The following DOCK9 variants were observed in gnomAD, a reference collection of about 807,000 sequenced individuals.
The protein encoded by DOCK9 is dedicator of cytokinesis protein 9.
A neutral mutation model predicts 263.3 loss-of-function variants in DOCK9; 89 were observed. The observed-to-expected ratio is 0.34, with a 90% CI of 0.28 to 0.40. The LOEUF (loss-of-function observed/expected upper bound fraction) is 0.40. DOCK9 is among the 10% of genes least tolerant of loss of function. The pLI, the probability that DOCK9 is intolerant of heterozygous loss-of-function variation, is 1.00. For synonymous variants in DOCK9, 976 were observed against 973.1 expected (o/e 1.00, Z -0.06); for missense variants, 2,140 against 2,603.4 (o/e 0.82, Z 3.87).
At chr13:98,815,236 T>C (rs2091739575) in intron 45 of DOCK9, among the ~76,000 whole-genome samples, 1 of 152,146 alleles carries the variant, frequency 6.6e-6, no homozygotes, top group Non-Finnish European at 1.5e-5. Context: ...GTATTTATTA[T>C]CTTGACTCTC....
chr13:98,874,604 C>T (rs2142338816), intron 27 of DOCK9, among the ~76,000 whole-genome samples: 2 of 152,302 alleles, frequency 1.3e-5, no homozygotes, highest in Middle Eastern at 6.8e-3. Flanking sequence ...CCCACCTTAT[C>T]CTCCCAATGC....
At position 98,881,627 on chromosome 13, in the gene DOCK9, C is replaced by T; in HGVS notation, c.2676G>A (p.Arg892=). ...TQEEVAVNVT[R]VIIHVVAQCH... The stretch of plus-strand genomic sequence containing the variant: ...ACTGGGCAACCACATGAATAATGAC[C>T]CTACACACCACAGGAGTGAATAAAG... Residue 892 remains arginine (R), a splice_region_variant and synonymous_variant, in exon 25 of 53, where the codon CGG becomes CGA. Coordinates refer to ENST00000682017, the MANE Select transcript of DOCK9 (RefSeq NM_001366683.2). 1 of 1,607,250 alleles carries T rather than the reference C, an allele frequency of 6.2e-7. No individual in the cohort carries two copies.
In DOCK9 at chr13:98,819,396, C is replaced by T. The variant is rs145067873; in HGVS notation, c.5130+5002G>A. On this transcript the variant is annotated intron_variant, in intron 45 of 52. Transcript: ENST00000682017. ...ATTTCCAAGTCATGAAGAACTCAGACAACTTCCAGTTCAGACTGGAGGGAC... is the reference window on the plus strand; with the variant it reads ...ATTTCCAAGTCATGAAGAACTCAGATAACTTCCAGTTCAGACTGGAGGGAC... 2.1e-3 allele frequency among the ~76,000 whole-genome samples: 317 copies of T among 152,334 alleles called. 1 individual carries two copies. Among genetic ancestry groups the T allele is most frequent in the Non-Finnish European group, 2.2e-3 (150 of 68,038 alleles).
chr13:99,063,042 T>C (rs1417883992), intron 1 of DOCK9, among the ~76,000 whole-genome samples: 1 of 152,184 alleles, frequency 6.6e-6, no homozygotes, highest in Non-Finnish European at 1.5e-5. Flanking sequence ...AAAAGACCCA[T>C]GTGAAGGTTC....
In DOCK9 at chr13:98,829,282, T is replaced by C. The variant is rs1377869765; in HGVS notation, c.4965+25A>G. ...CCTCACTGGTTTTTTCAAAAACCCA[T>C]TCAAGCGGCTGGCAGGGCTACTACC... On this transcript the variant is annotated intron_variant, in intron 43 of 52. Coordinates refer to ENST00000682017, the MANE Select transcript of DOCK9 (RefSeq NM_001366683.2). The surrounding 1 kb of genome is among the most constrained non-coding windows in gnomAD (Gnocchi z 4.1). The C allele has an allele frequency of 1.3e-6, 2 of 1,591,798 alleles. No homozygotes were observed. The highest frequency in any genetic ancestry group is 2.3e-5 in the East Asian group (1 of 44,178).
intron 2 of DOCK9, among the ~76,000 whole-genome samples, chr13:98,951,650 A>C (rs530327452): frequency 6.6e-6 from 1 of 152,210 alleles, no homozygotes; most frequent in Admixed American, 6.5e-5. Flanking sequence ...TGGGGGGAAA[A>C]GTTTCTGTGG....
chr13:98,885,355 G>A, intron 20 of DOCK9: 1 of 536,352 alleles, frequency 1.9e-6, no homozygotes, highest in Non-Finnish European at 3.3e-6. Flanking sequence ...TGTAATCCCA[G>A]CATTTTGGGA....
Position 98,966,295 on chromosome 13 carries a change from C to T in DOCK9, c.127-10744G>A, listed in dbSNP as rs529918112. On this transcript the variant is annotated intron_variant, in intron 1 of 52. Coordinates refer to ENST00000682017, the MANE Select transcript of DOCK9 (RefSeq NM_001366683.2). ...CCTGATACCGGCCATGGGCCAACAC[C>T]AGGCCAGGAAGGGTAAAAGGGGAAC... Among the ~76,000 whole-genome samples the T allele has an allele frequency of 2.6e-5, 4 of 152,316 alleles. No individual in the cohort carries two copies. In the South Asian group the frequency reaches 8.3e-4, roughly 32 times the overall value.
intron 1 of DOCK9, among the ~76,000 whole-genome samples, chr13:98,993,372 C>T (rs777285555): frequency 6.6e-6 from 1 of 152,190 alleles, no homozygotes; most frequent in Non-Finnish European, 1.5e-5. Flanking sequence ...GAGTAACATT[C>T]GCCTTCAAAT....
intron 38 of DOCK9, among the ~76,000 whole-genome samples, chr13:98,844,041 T>A (rs2093312338): frequency 6.6e-6 from 1 of 152,238 alleles, no homozygotes; most frequent in South Asian, 2.1e-4. Flanking sequence ...TTATAGAAAT[T>A]ATCTGAGCAA....
chr13:98,888,775 G>A, intron 15 of DOCK9, 64 bp from the exon 16 acceptor site: 1 of 1,372,998 alleles, frequency 7.3e-7, no homozygotes, highest in African/African-American at 1.4e-5. Context: ...ACACTCTAGA[G>A]CAGCACTTCC....
At chr13:98,963,129 C>T (rs1426022427) in intron 1 of DOCK9, among the ~76,000 whole-genome samples, 1 of 152,070 alleles carries the variant, frequency 6.6e-6, no homozygotes, top group African/African-American at 2.4e-5. Context: ...AGCATGGCAG[C>T]GGGCAGCATG....
rs115056082 is a variant in DOCK9, at chr13:99,005,317, G to A, written c.130-49766C>T. Among the ~76,000 whole-genome samples, 772 of 152,246 alleles carry A rather than the reference G, an allele frequency of 5.1e-3. 11 individuals carry two copies. The highest frequency in any genetic ancestry group is 0.018 in the African/African-American group (743 of 41,536). On this transcript the variant is annotated intron_variant, in intron 1 of 32. Coordinates refer to the DOCK9 transcript ENST00000427887. ...AAGATCACTTAATTCAGCAACTTAC[G>A]CAGTACAGTCTGTTTATTCTATCTT...
At chr13:98,856,069 GAC>G in intron 33 of DOCK9, 38 bp from the exon 34 acceptor site, 3 of 1,606,684 alleles carry the variant, frequency 1.9e-6, no homozygotes, top group Non-Finnish European at 2.6e-6. Context: ...GTTTTATTAA[GAC>G]AGAACAAAAT....
intron 34 of DOCK9, among the ~76,000 whole-genome samples, chr13:98,855,494 C>T (rs1393053765): frequency 2.0e-5 from 3 of 152,118 alleles, no homozygotes; most frequent in African/African-American, 7.2e-5. Flanking sequence ...GTCGTTTGAA[C>T]CCAGGAGGCG....
chr13:98,986,099 A>C (rs1160788126), intron 1 of DOCK9, among the ~76,000 whole-genome samples: 2 of 152,262 alleles, frequency 1.3e-5, no homozygotes, highest in African/African-American at 4.8e-5. Context: ...AGTATAACTA[A>C]AAGACAAATG....
At chr13:98,861,785 TACTCA>T (rs984358739) in intron 32 of DOCK9, among the ~76,000 whole-genome samples, 8 of 152,362 alleles carry the variant, frequency 5.3e-5, no homozygotes, top group Middle Eastern at 3.4e-3. Flanking sequence ...TCTCTCTATC[TACTCA>T]ATTTCCAATG....
At chr13:98,905,703 CA>C (rs2048983470) in intron 9 of DOCK9, among the ~76,000 whole-genome samples, 1 of 151,842 alleles carries the variant, frequency 6.6e-6, no homozygotes, top group African/African-American at 2.4e-5. Context: ...GGGCAACCAG[CA>C]GCCCACAGGG....
At chr13:98,973,643 C>G (rs958319801) in intron 1 of DOCK9, among the ~76,000 whole-genome samples, 1 of 152,206 alleles carries the variant, frequency 6.6e-6, no homozygotes, top group Non-Finnish European at 1.5e-5. Flanking sequence ...GTCACCCAGC[C>G]TGGAGTCCAG....
Sources: allele counts gnomAD v4.1 joint callset (sites outside exome capture counted in the v4.1 genomes callset), GRCh38; gene constraint gnomAD v4.1.1; non-coding constraint Gnocchi (gnomAD v3.1); transcripts MANE v1.5; gene names NCBI Gene and HGNC (gene_info 2026-07-23, HGNC 2026-07-21).